Variants in UGGT2 observed in about 807,000 individuals in gnomAD.
UGGT2 encodes the protein UDP-glucose glycoprotein glucosyltransferase 2.
A neutral mutation model predicts 192.1 loss-of-function variants in UGGT2; 180 were observed. The observed-to-expected ratio is 0.94, with a 90% confidence interval of 0.83 to 1.06. UGGT2 has a LOEUF of 1.06. Ranked by LOEUF, UGGT2 falls within the 50% of genes least tolerant of loss-of-function variation. UGGT2 has a pLI of 0.00. For synonymous variants in UGGT2, 580 were observed against 591.0 expected (o/e 0.98, Z 0.27); for missense variants, 1,849 against 1,795.7 (o/e 1.03, Z -0.54).
intron 1 of UGGT2, among the ~76,000 whole-genome samples, chr13:96,042,319 G>C (rs1409336356): frequency 6.6e-6 from 1 of 152,140 alleles, no homozygotes; most frequent in African/African-American, 2.4e-5. Context: ...AAGAAGGAGA[G>C]TACTACATCA....
intron 1 of UGGT2, among the ~76,000 whole-genome samples, chr13:96,051,209 A>G (rs879855634): frequency 4.6e-5 from 7 of 152,220 alleles, no homozygotes; most frequent in Non-Finnish European, 5.9e-5. Flanking sequence ...GGAAACCATC[A>G]TTCTCAGCAA....
chr13:96,036,895 C>T (rs1192418570), intron 1 of UGGT2, among the ~76,000 whole-genome samples: 3 of 152,066 alleles, frequency 2.0e-5, no homozygotes, highest in Admixed American at 6.5e-5. Context: ...GTTGGGACTA[C>T]AGGCACATGC....
intron 2 of UGGT2, among the ~76,000 whole-genome samples, chr13:96,027,664 G>A (rs1170464436): frequency 6.6e-6 from 1 of 152,110 alleles, no homozygotes; most frequent in Non-Finnish European, 1.5e-5. Flanking sequence ...TACTGGAAGG[G>A]GACATTTTGG....
At chr13:95,966,120 T>G (rs1455146352) in intron 12 of UGGT2, among the ~76,000 whole-genome samples, 1 of 152,184 alleles carries the variant, frequency 6.6e-6, no homozygotes, top group Non-Finnish European at 1.5e-5. Flanking sequence ...CTATTCACGA[T>G]AGCAAACATA....
chr13:95,878,838 T>C (rs890310114), intron 27 of UGGT2, among the ~76,000 whole-genome samples: 3 of 152,228 alleles, frequency 2.0e-5, no homozygotes, highest in African/African-American at 7.2e-5. Flanking sequence ...TTTACAGCAT[T>C]TCTTTCTTGA....
chr13:95,990,024 G>C lies in UGGT2; in HGVS notation c.880C>G (p.Leu294Val). 1 of 1,605,482 alleles carries C rather than the reference G, an allele frequency of 6.2e-7. No homozygotes were observed. Among genetic ancestry groups the C allele is most frequent in the South Asian group, 1.1e-5 (1 of 89,904 alleles). Residue 294 changes from leucine (L) to valine (V), a missense_variant, in exon 8 of 39, where the codon CTG (leucine) becomes GTG (valine). Transcript: ENST00000376747. Reference protein sequence around the residue: ...RDNLTAFQKYLIESNKQMMPL... With the variant: ...RDNLTAFQKYVIESNKQMMPL... ...ATCATTTGTTTGTTACTCTCAATCA[G>C]GTATTTTTGGAATGCTGTCAGATTA...
At chr13:96,031,547 G>T (rs895408190) in intron 2 of UGGT2, among the ~76,000 whole-genome samples, 5 of 152,116 alleles carry the variant, frequency 3.3e-5, no homozygotes, top group African/African-American at 9.7e-5. Flanking sequence ...TGACTCCTGG[G>T]CTCAAGCAGT....
chr13:95,983,973 C>A (rs1809488485), intron 9 of UGGT2, 109 bp from the exon 10 acceptor site: 3 of 633,200 alleles, frequency 4.7e-6, no homozygotes. Context: ...AACTCCAAAT[C>A]CTTTGTGACT....
chr13:95,937,955 A>G (rs534548905), intron 16 of UGGT2, among the ~76,000 whole-genome samples: 2 of 152,302 alleles, frequency 1.3e-5, no homozygotes, highest in Admixed American at 1.3e-4. Context: ...AGTGGGAGGT[A>G]ATGAAATCAT....
intron 38 of UGGT2, among the ~76,000 whole-genome samples, chr13:95,830,889 A>C (rs185932672): frequency 0.033 from 5,003 of 152,182 alleles, 276 homozygotes; most frequent in African/African-American, 0.11. Context: ...AAATGTCCAA[A>C]AATGATAGAC....
chr13:95,846,941 C>T (rs765870087), intron 36 of UGGT2, among the ~76,000 whole-genome samples: 8 of 151,546 alleles, frequency 5.3e-5, no homozygotes, highest in Non-Finnish European at 1.2e-4. Context: ...GTGTCTTTTA[C>T]CTTTTTTTTT....
chr13:95,884,810 A>G, intron 26 of UGGT2, 130 bp from the exon 27 acceptor site: 1 of 844,080 alleles, frequency 1.2e-6, no homozygotes, highest in Non-Finnish European at 1.8e-6. Flanking sequence ...GATGCATTAT[A>G]CTGCAGAAAA....
chr13:96,042,823 G>T (rs1257845054), intron 1 of UGGT2, among the ~76,000 whole-genome samples: 1 of 151,976 alleles, frequency 6.6e-6, no homozygotes, highest in Non-Finnish European at 1.5e-5. Context: ...AAGAAAAAAG[G>T]ATAATAAAAT....
At chr13:95,957,283 C>T (rs2050238981) in intron 12 of UGGT2, among the ~76,000 whole-genome samples, 1 of 152,156 alleles carries the variant, frequency 6.6e-6, no homozygotes, top group South Asian at 2.1e-4. Flanking sequence ...GTACTTAATG[C>T]CACTGAATGG....
At chr13:95,839,187 T>C (rs147195892) in intron 36 of UGGT2, among the ~76,000 whole-genome samples, 170 of 152,162 alleles carry the variant, frequency 1.1e-3, no homozygotes, top group African/African-American at 3.9e-3. Context: ...TTTTTTCATT[T>C]TAACCTCCTG....
At chr13:95,935,264 A>G (rs1466664410) in intron 17 of UGGT2, among the ~76,000 whole-genome samples, 1 of 152,102 alleles carries the variant, frequency 6.6e-6, no homozygotes, top group African/African-American at 2.4e-5. Flanking sequence ...TTCAGTTTCT[A>G]TGATGTGGAT....
chr13:95,911,289 G>A (rs2048488182), intron 20 of UGGT2, among the ~76,000 whole-genome samples: 1 of 152,120 alleles, frequency 6.6e-6, no homozygotes, highest in Non-Finnish European at 1.5e-5. Flanking sequence ...AAAAATCAAT[G>A]AATCCAGGAG....
chr13:95,838,614 C>A (rs969560849), intron 36 of UGGT2, among the ~76,000 whole-genome samples: 1 of 152,054 alleles, frequency 6.6e-6, no homozygotes. Context: ...CAATGGAACA[C>A]AATAAAGAGC....
intron 20 of UGGT2, among the ~76,000 whole-genome samples, chr13:95,917,412 G>A (rs747929388): frequency 9.2e-5 from 14 of 152,136 alleles, no homozygotes; most frequent in Admixed American, 2.6e-4. Context: ...TCTGAAGGAA[G>A]CATTAAGTAT....
Sources: gnomAD v4.1 joint callset for allele counts (sites outside exome capture counted in the v4.1 genomes callset) on GRCh38, gnomAD v4.1.1 for gene constraint, MANE v1.5 for transcripts, NCBI Gene and HGNC (gene_info 2026-07-23, HGNC 2026-07-21) for gene names.